The following USP7 variants were observed in gnomAD, a reference collection of about 807,000 sequenced individuals.
The protein encoded by USP7 is ubiquitin C-terminal hydrolase 7.
USP7 carries 9 observed loss-of-function variants against 162.9 expected under a neutral mutation model. The ratio of observed to expected loss-of-function variants is 0.06; its 90% CI spans 0.03 to 0.10. The LOEUF (loss-of-function observed/expected upper bound fraction) is 0.10. Ranked by LOEUF, USP7 falls within the 10% of genes least tolerant of loss-of-function variation. The probability of loss-of-function intolerance (pLI) is 1.00; values close to 1 mark genes in which losing one functional copy is unlikely to be tolerated. For missense variants in USP7, 715 were observed against 1,373.7 expected, an observed-to-expected ratio of 0.52 and a Z score of 7.58; for synonymous variants, 562 against 475.9, an observed-to-expected ratio of 1.18 and a Z score of -2.35.
In USP7 at chr16:8,904,220, G is replaced by A. The variant is rs540003101; in HGVS notation, c.1704+215C>T. ...ACTGTGACCAAGCTCAGGAGAGCAC[G>A]TGGAGCAGCTTCTCTCTGGGCAGCT... On this transcript the variant is annotated intron_variant, in intron 15 of 30. Coordinates refer to ENST00000344836, the MANE Select transcript of USP7 (RefSeq NM_003470.3). Among the ~76,000 whole-genome samples the A allele has an allele frequency of 2.0e-5, 3 of 152,308 alleles. No homozygotes were observed. The East Asian group carries it at 5.8e-4, about 29-fold the overall frequency.
intron 1 of USP7, among the ~76,000 whole-genome samples, chr16:8,942,595 T>C (rs12446090): frequency 0.35 from 53,214 of 152,120 alleles, 11,626 homozygotes; most frequent in East Asian, 0.65. Flanking sequence ...TTGGGCAGGC[T>C]GGAGTGCAGT....
rs1430846697 is a variant in USP7, at chr16:8,901,038, C to G, written c.2160G>C (p.Met720Ile). 6.2e-7 allele frequency: 1 copy of G among 1,614,114 alleles called. No homozygotes were observed. Among genetic ancestry groups the G allele is most frequent in the Admixed American group, 1.7e-5 (1 of 60,022 alleles). Residue 720 changes from methionine to isoleucine, a missense_variant, in exon 20 of 31, where the codon ATG (methionine) becomes ATC (isoleucine). Around this residue, in one of 11 missense-constraint regions of USP7, gnomAD observed 197 missense variants for 306.5 expected, o/e 0.64. Transcript: ENST00000344836. ...SCKIRDLLPVMCDRAGFIQDT... is the reference protein window; with the variant it reads ...SCKIRDLLPVICDRAGFIQDT... ...CTTGAATAAATCCTGCTCTGTCACA[C>G]ATAACTGGGAGCAAGTCACCTAGGA...
At chr16:8,944,953 C>G (rs2141253894) in intron 1 of USP7, among the ~76,000 whole-genome samples, 1 of 152,100 alleles carries the variant, frequency 6.6e-6, no homozygotes, top group Non-Finnish European at 1.5e-5. Flanking sequence ...ACTAAAAATA[C>G]AAAAATTAGC....
At position 8,893,708 on chromosome 16, in the gene USP7, G is replaced by A. The variant is rs935157459; in HGVS notation, c.*290C>T. On this transcript the variant is annotated 3_prime_UTR_variant, in exon 31 of 31. Coordinates refer to ENST00000344836, the MANE Select transcript of USP7 (RefSeq NM_003470.3). ...CAGAGACCTTGAGCCAGGGACCCCC[G>A]ATCCACTAACCTCTTCTCCCCCATT... 7 of 349,292 alleles carry A rather than the reference G, an allele frequency of 2.0e-5. No homozygotes were observed. The highest frequency in any genetic ancestry group is 8.4e-5 in the African/African-American group (4 of 47,854). 21.6% of individuals were successfully genotyped at this position (349,292 alleles called of 1,614,324 possible).
intron 1 of USP7, among the ~76,000 whole-genome samples, chr16:8,946,821 A>C (rs1899307659): frequency 6.6e-6 from 1 of 152,234 alleles, no homozygotes; most frequent in African/African-American, 2.4e-5. Context: ...GTTTCCAACA[A>C]CGCCAATGTC....
rs1898866107 is a variant in USP7 at position 8,938,326 on chromosome 16, G to A, written c.80-7929C>T. Among the ~76,000 whole-genome samples the A allele has an allele frequency of 7.5e-5, 10 of 133,946 alleles. No homozygotes were observed. In the South Asian group the frequency reaches 2.1e-3, roughly 28 times the overall value. The allele number at this position is 133,946 out of a possible 152,430, so 87.9% of individuals were successfully genotyped here. The stretch of plus-strand genomic sequence containing the variant: ...ACTGTAGATTCACACACAGTCTTAA[G>A]AAATAACACAGTCAAAAAAAAAAAA... On this transcript the variant is annotated intron_variant, in intron 1 of 30. Coordinates refer to ENST00000344836, the MANE Select transcript of USP7 (RefSeq NM_003470.3).
At position 8,894,604 on chromosome 16, in the gene USP7, A is replaced by G; in HGVS notation, c.3148T>C (p.Tyr1050His). Residue 1050 changes from tyrosine to histidine, a missense_variant, in exon 30 of 31, where the codon TAC (tyrosine) becomes CAC (histidine). This residue lies in a region of USP7 where 222 missense variants were observed against 441.7 expected (regional missense o/e 0.50). Transcript: ENST00000344836. Reference sequence around the variant, plus strand: ...ACTTCATACTCGTCTTCATTTATGTACTGGTGTCGGCCCATCATTACAATT... The same window carrying G: ...ACTTCATACTCGTCTTCATTTATGTGCTGGTGTCGGCCCATCATTACAATT... ...FAIVMMGRHQYINEDEYEVNL... is the reference protein window; with the variant it reads ...FAIVMMGRHQHINEDEYEVNL... 6.2e-7 allele frequency: 1 copy of G among 1,613,862 alleles called. No individual in the cohort carries two copies. The highest frequency in any genetic ancestry group is 2.2e-5 in the East Asian group (1 of 44,860).
chr16:8,910,595 C>G (rs1452744660), intron 11 of USP7, 150 bp downstream of exon 11: 4 of 695,536 alleles, frequency 5.8e-6, no homozygotes, highest in Non-Finnish European at 9.5e-6. Flanking sequence ...TCTCCCTCCC[C>G]ATTCAATTAT....
At chr16:8,904,376 T>G in intron 15 of USP7, 59 bp downstream of exon 15, 1 of 1,598,682 alleles carries the variant, frequency 6.3e-7, no homozygotes. Flanking sequence ...TGCACTTGTG[T>G]ATAGAGATGG....
At chr16:8,921,421 G>T in intron 3 of USP7, 126 bp from the exon 4 acceptor site, 2 of 1,126,540 alleles carry the variant, frequency 1.8e-6, no homozygotes, top group South Asian at 3.4e-5. Flanking sequence ...CTTTCGGGTT[G>T]GGGTTAAAGG....
intron 1 of USP7, among the ~76,000 whole-genome samples, chr16:8,931,175 C>T (rs1438226125): frequency 6.6e-6 from 1 of 151,460 alleles, no homozygotes; most frequent in East Asian, 1.9e-4. Flanking sequence ...ACGTTTTCAT[C>T]ATGAACACAT....
chr16:8,936,224 C>T (rs1223956032), intron 1 of USP7, among the ~76,000 whole-genome samples: 2 of 152,252 alleles, frequency 1.3e-5, no homozygotes, highest in Non-Finnish European at 2.9e-5. Flanking sequence ...ATCAAAACTA[C>T]AGCTGTTATT....
At chr16:8,916,617 A>G in intron 7 of USP7, 61 bp from the exon 8 acceptor site, 1 of 1,513,694 alleles carries the variant, frequency 6.6e-7, no homozygotes, top group South Asian at 1.2e-5. Flanking sequence ...GCAAATTAAA[A>G]GTAACTTAGA....
chr16:8,894,973 G>C, intron 28 of USP7, 58 bp downstream of exon 28: 1 of 1,613,244 alleles, frequency 6.2e-7, no homozygotes, highest in Non-Finnish European at 8.5e-7. Flanking sequence ...CGGCAACAGC[G>C]GCCACTCAAA....
intron 20 of USP7, 130 bp from the exon 21 acceptor site, chr16:8,900,760 C>T (rs965732727): frequency 1.1e-5 from 8 of 750,744 alleles, no homozygotes; most frequent in Admixed American, 6.6e-5. Flanking sequence ...AAAATGTTAA[C>T]AGGAAAAGCT....
intron 1 of USP7, among the ~76,000 whole-genome samples, chr16:8,947,828 G>A (rs1170235514): frequency 6.6e-6 from 1 of 152,186 alleles, no homozygotes; most frequent in Non-Finnish European, 1.5e-5. Flanking sequence ...CCTCAGCTAG[G>A]TGGGCATGCC....
chr16:8,936,430 A>C (rs998360700), intron 1 of USP7, among the ~76,000 whole-genome samples: 1 of 152,234 alleles, frequency 6.6e-6, no homozygotes, highest in Non-Finnish European at 1.5e-5. Flanking sequence ...ACAGAGGTAA[A>C]CTAGAAAGCA....
Position 8,930,345 on chromosome 16 carries a change from C to G in USP7, c.132G>C (p.Gly44=). 1 of 1,613,762 alleles carries G rather than the reference C, an allele frequency of 6.2e-7. No homozygotes were observed. The highest frequency in any genetic ancestry group is 8.5e-7 in the Non-Finnish European group (1 of 1,179,850). Residue 44 remains glycine, a synonymous_variant, in exon 2 of 31, where the codon GGG becomes GGC. Transcript: ENST00000344836. ...PRITQNPVIN[G]NVALSDGHNT... is the part of the protein sequence containing the mutation. Reference sequence around the variant, plus strand: ...TGTGTCCATCACTCAGGGCCACATTCCCATTGATCACAGGGTTCTGAGTAA... The same window carrying G: ...TGTGTCCATCACTCAGGGCCACATTGCCATTGATCACAGGGTTCTGAGTAA...
Position 8,892,606 on chromosome 16 carries a change from T to TG in USP7, c.*1391_*1392insC, listed in dbSNP as rs1491475782. The stretch of plus-strand genomic sequence containing the variant: ...AGAGTAAATGTGACTAGTTAGAGGC[T>TG]AAAAAAAAAAAAAAAAAAAAAAAGA... On this transcript the variant is annotated 3_prime_UTR_variant, in exon 31 of 31. Coordinates refer to ENST00000344836, the MANE Select transcript of USP7 (RefSeq NM_003470.3). The TG allele has an allele frequency of 4.4e-3, 523 of 119,978 alleles. 6 individuals are homozygous for TG. Among genetic ancestry groups the TG allele is most frequent in the African/African-American group, 0.015 (490 of 32,162 alleles). 7.4% of individuals were successfully genotyped at this position (119,978 alleles called of 1,614,324 possible).
Sources: gnomAD v4.1 joint callset for allele counts (sites outside exome capture counted in the v4.1 genomes callset) on GRCh38, gnomAD v4.1.1 for gene constraint, gnomAD v4.1.1 regional missense constraint, MANE v1.5 for transcripts, NCBI Gene and HGNC (gene_info 2026-07-23, HGNC 2026-07-21) for gene names.